The following SAG variants were observed in gnomAD, a reference collection of about 807,000 sequenced individuals.
The protein encoded by SAG is S-antigen visual arrestin.
In SAG, 45 loss-of-function variants were observed where a neutral mutation model predicts 55.0. The ratio of observed to expected loss-of-function variants is 0.82; its 90% CI spans 0.64 to 1.05. The LOEUF is 1.05. Ranked by LOEUF, SAG falls within the 50% of genes least tolerant of loss-of-function variation. SAG has a pLI of 0.00. For missense variants in SAG, 455 were observed against 512.1 expected (o/e 0.89, Z 1.08); for synonymous variants, 189 against 197.4 (o/e 0.96, Z 0.36).
chr2:233,330,716 AG>A (rs749978169), intron 9 of SAG, among the ~76,000 whole-genome samples: 46 of 152,042 alleles, frequency 3.0e-4, no homozygotes, highest in Non-Finnish European at 4.6e-4. Context: ...TTTTCAGTAG[AG>A]ATGGGGATTT....
chr2:233,313,894 T>G (rs1399749470), intron 2 of SAG, among the ~76,000 whole-genome samples: 3 of 151,408 alleles, frequency 2.0e-5, no homozygotes, highest in Non-Finnish European at 4.4e-5. Context: ...AAGGGGCTGT[T>G]TGCTAGGGTG....
chr2:233,318,810 C>T lies in SAG; in HGVS notation c.181+15C>T, dbSNP rs771985741. ...GGGAAAGAAAGGTGAGATGAAGCCC[C>T]TTGTCTCAGGCTGGTTTCTGGGCGG... On this transcript the variant is annotated intron_variant, in intron 4 of 15. Transcript: ENST00000409110. 1.9e-6 allele frequency: 3 copies of T among 1,611,826 alleles called. No individual in the cohort carries two copies. The highest frequency in any genetic ancestry group is 2.5e-6 in the Non-Finnish European group (3 of 1,177,994).
At chr2:233,310,918 A>G (rs930634106) in intron 2 of SAG, among the ~76,000 whole-genome samples, 4 of 152,034 alleles carry the variant, frequency 2.6e-5, no homozygotes, top group Non-Finnish European at 5.9e-5. Context: ...CTCCTCTCCT[A>G]GTTAAGGAAC....
rs1700878914 is a variant in SAG, at chr2:233,335,041, G to A, written c.886G>A (p.Gly296Ser). ...PLLANNRERR[G>S]IALDGKIKHE... ...GCTGGCTAACAATCGAGAAAGGAGA[G>A]GCATTGCCCTGGATGGGAAAATCAA... The change falls in exon 11 of 16, where the codon GGC (glycine) becomes AGC (serine). Residue 296 changes from glycine (G) to serine (S), a missense_variant. Gly to Ser is a moderately conservative substitution (Grantham distance 56). Transcript: ENST00000409110. 6.2e-7 allele frequency: 1 copy of A among 1,614,038 alleles called. No homozygotes were observed. Among genetic ancestry groups the A allele is most frequent in the African/African-American group, 1.3e-5 (1 of 75,068 alleles).
intron 3 of SAG, among the ~76,000 whole-genome samples, chr2:233,317,553 T>C (rs1248243012): frequency 1.3e-5 from 2 of 152,222 alleles, no homozygotes; most frequent in Non-Finnish European, 2.9e-5. Flanking sequence ...GCAAAACACT[T>C]TCTGGAAGGT....
chr2:233,340,602 A>G lies in SAG; in HGVS notation c.1046+124A>G. Reference sequence around the variant, plus strand: ...ACAGTTGTGCTCAGAGGTGTTAGGAATGATGCTTTGCCTTCGGATGCATCA... The same window carrying G: ...ACAGTTGTGCTCAGAGGTGTTAGGAGTGATGCTTTGCCTTCGGATGCATCA... On this transcript the variant is annotated intron_variant, in intron 13 of 15. Coordinates refer to ENST00000409110, the MANE Select transcript of SAG (RefSeq NM_000541.5). The surrounding 1 kb of genome is among the most constrained non-coding windows in gnomAD (Gnocchi z 4.2). 5 of 762,482 alleles carry G rather than the reference A, an allele frequency of 6.6e-6. No homozygotes were observed. The Admixed American group carries it at 8.9e-5, about 14-fold the overall frequency. The allele number at this position is 762,482 out of a possible 1,614,324, so 47.2% of individuals were successfully genotyped here.
chr2:233,319,009 A>G lies in SAG; in HGVS notation c.181+214A>G. On this transcript the variant is annotated intron_variant, in intron 4 of 15. Coordinates refer to ENST00000409110, the MANE Select transcript of SAG (RefSeq NM_000541.5). The surrounding 1 kb of genome is among the most constrained non-coding windows in gnomAD (Gnocchi z 4.4). ...GACACCAGAGCTCACTCGCTCAGCA[A>G]AGTCATTGTCCAGGGTGGCAGATAA... 1.4e-6 allele frequency: 1 copy of G among 708,908 alleles called. No individual in the cohort carries two copies. Among genetic ancestry groups the G allele is most frequent in the Non-Finnish European group, 2.6e-6 (1 of 379,058 alleles). The allele number at this position is 708,908 out of a possible 1,614,324, so 43.9% of individuals were successfully genotyped here.
chr2:233,308,407 C>T (rs944647891), intron 1 of SAG, among the ~76,000 whole-genome samples: 3 of 151,736 alleles, frequency 2.0e-5, no homozygotes, highest in Admixed American at 1.3e-4. Context: ...TTCGAGGCTG[C>T]GGTGAGCTAT....
At chr2:233,318,331 A>AT (rs75087181) in intron 3 of SAG, among the ~76,000 whole-genome samples, 10,245 of 145,806 alleles carry the variant, frequency 0.07, 392 homozygotes, top group South Asian at 0.12. Context: ...CACCCAGCTA[A>AT]TTTTTTTTTT....
At chr2:233,310,506 C>CTTT (rs967605903) in intron 2 of SAG, among the ~76,000 whole-genome samples, 49 of 115,404 alleles carry the variant, frequency 4.2e-4, no homozygotes, top group African/African-American at 1.0e-3. Flanking sequence ...ATCATTCTGG[C>CTTT]TTTTTTTTTT....
intron 1 of SAG, among the ~76,000 whole-genome samples, chr2:233,308,800 G>A (rs556897084): frequency 1.3e-5 from 2 of 152,178 alleles, no homozygotes; most frequent in Admixed American, 6.6e-5. Flanking sequence ...TGATTTATTC[G>A]CCATTAGACA....
At chr2:233,339,166 C>T (rs887583588) in intron 12 of SAG, among the ~76,000 whole-genome samples, 1 of 152,218 alleles carries the variant, frequency 6.6e-6, no homozygotes, top group East Asian at 1.9e-4. Context: ...ACTTTCCCCT[C>T]CCCTCTCACA....
chr2:233,343,893 A>G (rs899583600), intron 14 of SAG: 1 of 371,248 alleles, frequency 2.7e-6, no homozygotes, highest in Non-Finnish European at 3.8e-6. Flanking sequence ...TATTCATTTT[A>G]GGTTTTGTCT....
At chr2:233,338,599 C>T (rs1701007789) in intron 11 of SAG, 77 bp from the exon 12 acceptor site, 14 of 1,296,274 alleles carry the variant, frequency 1.1e-5, no homozygotes, top group Non-Finnish European at 1.3e-5. Context: ...ATGCCTGCCT[C>T]GAATGGAAAG....
intron 3 of SAG, among the ~76,000 whole-genome samples, chr2:233,317,316 A>C (rs1700239991): frequency 6.6e-6 from 1 of 152,258 alleles, no homozygotes; most frequent in Admixed American, 6.5e-5. Flanking sequence ...AACCGGAAAG[A>C]ACCAAAATGT....
chr2:233,328,753 C>T (rs1700653824), intron 8 of SAG, 140 bp downstream of exon 8: 12 of 876,408 alleles, frequency 1.4e-5, no homozygotes, highest in Non-Finnish European at 1.7e-5. Flanking sequence ...CACCAACATG[C>T]GTAAGTGACT....
At chr2:233,345,334 A>G (rs1021891284) in intron 14 of SAG, 10 of 152,250 alleles carry the variant, frequency 6.6e-5, no homozygotes, top group African/African-American at 1.9e-4. Flanking sequence ...GTGAACGTCA[A>G]GTCCCAGGTC....
intron 11 of SAG, 93 bp from the exon 12 acceptor site, chr2:233,338,583 G>A: frequency 9.0e-7 from 1 of 1,116,110 alleles, no homozygotes; most frequent in Non-Finnish European, 1.4e-6. Flanking sequence ...GAACCTCCAT[G>A]ACGGCATGCC....
At chr2:233,315,140 C>T (rs1181287355) in intron 2 of SAG, among the ~76,000 whole-genome samples, 4 of 152,190 alleles carry the variant, frequency 2.6e-5, no homozygotes, top group Admixed American at 1.3e-4. Context: ...AGGGCCAGGG[C>T]CTGTGGGCCC....
Sources: gnomAD v4.1 joint callset for allele counts (sites outside exome capture counted in the v4.1 genomes callset) on GRCh38, gnomAD v4.1.1 for gene constraint, Gnocchi (gnomAD v3.1) non-coding constraint, MANE v1.5 for transcripts, NCBI Gene and HGNC (gene_info 2026-07-23, HGNC 2026-07-21) for gene names.